Variants in GALNTL6 observed in about 807,000 individuals in gnomAD.
The protein encoded by GALNTL6 is polypeptide N-acetylgalactosaminyltransferase-like 6.
GALNTL6 carries 46 observed loss-of-function variants against 73.7 expected under a neutral mutation model. The observed-to-expected ratio is 0.62, with a 90% CI of 0.49 to 0.80. The LOEUF (loss-of-function observed/expected upper bound fraction) is 0.80, where lower values mean the gene tolerates loss of function less well. Ranked by LOEUF, GALNTL6 falls within the 30% of genes least tolerant of loss-of-function variation. The probability of loss-of-function intolerance (pLI) is 0.00; values close to 1 mark genes in which losing one functional copy is unlikely to be tolerated. For synonymous variants in GALNTL6, 259 were observed against 263.7 expected (o/e 0.98, Z 0.17); for missense variants, 604 against 755.0 (o/e 0.80, Z 2.34).
chr4:172,604,535 A>G (rs766080952), intron 5 of GALNTL6, among the ~76,000 whole-genome samples: 1 of 152,228 alleles, frequency 6.6e-6, no homozygotes, highest in Non-Finnish European at 1.5e-5. Flanking sequence ...TAAAATGGCG[A>G]TCTCAAAGTC....
chr4:171,884,500 A>G (rs1736552643), intron 2 of GALNTL6, among the ~76,000 whole-genome samples: 1 of 151,902 alleles, frequency 6.6e-6, no homozygotes, highest in African/African-American at 2.4e-5. Context: ...AATAATGCAG[A>G]CAAATTACTT....
chr4:172,816,708 G>T (rs1741621685), intron 7 of GALNTL6, among the ~76,000 whole-genome samples: 1 of 152,106 alleles, frequency 6.6e-6, no homozygotes, highest in African/African-American at 2.4e-5. Context: ...TTTACAAAGG[G>T]ATCCTGTTTT....
intron 2 of GALNTL6, among the ~76,000 whole-genome samples, chr4:171,914,360 A>G (rs147765292): frequency 6.6e-6 from 1 of 152,150 alleles, no homozygotes; most frequent in African/African-American, 2.4e-5. Flanking sequence ...AACAAAACCA[A>G]CTTCAGTGCA....
chr4:172,735,592 C>G (rs1736412260), intron 5 of GALNTL6, among the ~76,000 whole-genome samples: 1 of 152,064 alleles, frequency 6.6e-6, no homozygotes, highest in African/African-American at 2.4e-5. Context: ...GTTAGGAAGG[C>G]ATGATTGGTT....
At chr4:171,829,550 T>A (rs780063305) in intron 2 of GALNTL6, among the ~76,000 whole-genome samples, 58 of 152,262 alleles carry the variant, frequency 3.8e-4, no homozygotes, top group Non-Finnish European at 7.9e-4. Flanking sequence ...AGTATCATAC[T>A]TTTTCCCCCT....
chr4:171,975,859 G>T (rs1739705104), intron 2 of GALNTL6, among the ~76,000 whole-genome samples: 1 of 151,938 alleles, frequency 6.6e-6, no homozygotes, highest in Admixed American at 6.6e-5. Context: ...GAATTCTTTG[G>T]AGACTAAAAA....
At position 172,700,442 on chromosome 4, in the gene GALNTL6, T is replaced by C. The variant is rs1733961339; in HGVS notation, c.554-108919T>C. ...CCAAAGGTGCTGATTTGAATGGATG[T>C]AATTGTAGAGGGATTTACTGATTCA... On this transcript the variant is annotated intron_variant, in intron 5 of 12. Coordinates refer to ENST00000506823, the MANE Select transcript of GALNTL6 (RefSeq NM_001034845.3). 4.6e-5 allele frequency among the ~76,000 whole-genome samples: 7 copies of C among 152,184 alleles called. No homozygotes were observed. In the South Asian group the frequency reaches 1.0e-3, roughly 22 times the overall value.
intron 2 of GALNTL6, among the ~76,000 whole-genome samples, chr4:172,081,506 C>G (rs531695954): frequency 2.6e-5 from 4 of 152,160 alleles, no homozygotes; most frequent in Admixed American, 1.3e-4. Context: ...GGCGTGGTAG[C>G]GCATGCCTGT....
In GALNTL6 at chr4:172,554,905, A is replaced by G. The variant is rs193216132; in HGVS notation, c.553+206216A>G. On this transcript the variant is annotated intron_variant, in intron 5 of 12. Coordinates refer to ENST00000506823, the MANE Select transcript of GALNTL6 (RefSeq NM_001034845.3). ...ATTTCTTTTGGTGCTTATTTCTGGA[A>G]TTACTAAAATTTAGGATATAGCTAT... 2.6e-5 allele frequency among the ~76,000 whole-genome samples: 4 copies of G among 152,302 alleles called. No individual in the cohort carries two copies. In the East Asian group the frequency reaches 7.7e-4, roughly 29 times the overall value.
intron 2 of GALNTL6, among the ~76,000 whole-genome samples, chr4:172,116,145 C>T (rs187551445): frequency 5.5e-4 from 83 of 151,922 alleles, no homozygotes; most frequent in Admixed American, 2.8e-3. Context: ...ATTTATTCTA[C>T]GATTATCTTA....
At chr4:172,994,959 C>T (rs1182221388) in intron 10 of GALNTL6, among the ~76,000 whole-genome samples, 2 of 152,106 alleles carry the variant, frequency 1.3e-5, no homozygotes, top group South Asian at 2.1e-4. Flanking sequence ...AACCATCTGA[C>T]CTGACTTCAA....
chr4:172,400,849 A>G (rs1036675584), intron 5 of GALNTL6, among the ~76,000 whole-genome samples: 5 of 152,276 alleles, frequency 3.3e-5, no homozygotes, highest in South Asian at 2.1e-4. Flanking sequence ...TTTACTAAAC[A>G]TGACCACTCT....
intron 5 of GALNTL6, among the ~76,000 whole-genome samples, chr4:172,405,921 T>C (rs1744223881): frequency 6.6e-6 from 1 of 152,048 alleles, no homozygotes; most frequent in African/African-American, 2.4e-5. Context: ...ATTGATAGTA[T>C]TGTGTCTACA....
intron 5 of GALNTL6, among the ~76,000 whole-genome samples, chr4:172,597,481 AAT>A (rs1453552704): frequency 6.6e-6 from 1 of 152,196 alleles, no homozygotes; most frequent in African/African-American, 2.4e-5. Flanking sequence ...GTCATTAAAT[AAT>A]AGTTATTTTT....
At chr4:172,034,391 CGTGCGTGCGTGT>C (rs1391924650) in intron 2 of GALNTL6, among the ~76,000 whole-genome samples, 1 of 74,862 alleles carries the variant, frequency 1.3e-5, no homozygotes, top group South Asian at 6.8e-4. Flanking sequence ...TTAAGGGGAG[CGTGCGTGCGTGT>C]GTGTGTGTGT....
chr4:172,024,161 CTTCTT>C (rs1446168600), intron 2 of GALNTL6, among the ~76,000 whole-genome samples: 1 of 151,752 alleles, frequency 6.6e-6, no homozygotes, highest in Non-Finnish European at 1.5e-5. Context: ...ATTTTGTTCT[CTTCTT>C]CCTCTATGCT....
chr4:172,234,163 A>T (rs1737165541), intron 3 of GALNTL6, among the ~76,000 whole-genome samples: 1 of 152,048 alleles, frequency 6.6e-6, no homozygotes, highest in East Asian at 1.9e-4. Flanking sequence ...TTTGGATTTT[A>T]AAAATGTAGA....
At chr4:172,568,534 A>T (rs941624323) in intron 5 of GALNTL6, among the ~76,000 whole-genome samples, 1 of 151,954 alleles carries the variant, frequency 6.6e-6, no homozygotes, top group African/African-American at 2.4e-5. Context: ...AGGCGGGCGG[A>T]TCACGAGGTC....
intron 2 of GALNTL6, among the ~76,000 whole-genome samples, chr4:172,109,189 CTT>C (rs916998667): frequency 6.6e-6 from 1 of 152,192 alleles, no homozygotes; most frequent in Non-Finnish European, 1.5e-5. Context: ...GATTTTGTCT[CTT>C]TTAGTTCTAA....
Sources: allele counts gnomAD v4.1 joint callset (sites outside exome capture counted in the v4.1 genomes callset), GRCh38; gene constraint gnomAD v4.1.1; transcripts MANE v1.5; gene names NCBI Gene and HGNC (gene_info 2026-07-23, HGNC 2026-07-21).